The following SMARCC1 variants were observed in gnomAD, a reference collection of about 807,000 sequenced individuals.
The protein encoded by SMARCC1 is SWI/SNF related BAF chromatin remodeling complex subunit C1.
SMARCC1 carries 43 observed loss-of-function variants against 147.4 expected under a neutral mutation model. The observed-to-expected ratio is 0.29, with a 90% confidence interval of 0.23 to 0.38. SMARCC1 has a LOEUF of 0.38. Among genes scored for constraint, SMARCC1 ranks in the 10% least tolerant of loss-of-function variants. The probability of loss-of-function intolerance (pLI) is 1.00; values close to 1 mark genes in which losing one functional copy is unlikely to be tolerated. For synonymous variants in SMARCC1, 495 were observed against 484.4 expected, an observed-to-expected ratio of 1.02 and a Z score of -0.29; for missense variants, 1,119 against 1,381.1, an observed-to-expected ratio of 0.81 and a Z score of 3.01.
intron 6 of SMARCC1, among the ~76,000 whole-genome samples, chr3:47,725,640 C>T (rs900292318): frequency 3.3e-5 from 5 of 151,830 alleles, no homozygotes; most frequent in Non-Finnish European, 5.9e-5. Context: ...TTAGTAGAGA[C>T]GGGGTTTCAC....
chr3:47,781,288 A>G (rs1000426525), intron 1 of SMARCC1, among the ~76,000 whole-genome samples: 2 of 152,204 alleles, frequency 1.3e-5, no homozygotes, highest in African/African-American at 4.8e-5. Context: ...CATTGTTCAC[A>G]CACCTAAGGC....
intron 19 of SMARCC1, among the ~76,000 whole-genome samples, chr3:47,668,842 G>C (rs1014837769): frequency 6.6e-6 from 1 of 150,572 alleles, no homozygotes; most frequent in African/African-American, 2.4e-5. Context: ...CTGAGACTGC[G>C]CTACTGCACA....
intron 10 of SMARCC1, among the ~76,000 whole-genome samples, chr3:47,705,149 C>T (rs2106791784): frequency 6.6e-6 from 1 of 151,524 alleles, no homozygotes; most frequent in Middle Eastern, 3.4e-3. Flanking sequence ...TGGTGAAACC[C>T]CGTCTCTACT....
intron 11 of SMARCC1, among the ~76,000 whole-genome samples, chr3:47,697,529 T>C (rs1417020635): frequency 6.6e-6 from 1 of 150,616 alleles, no homozygotes; most frequent in Non-Finnish European, 1.5e-5. Flanking sequence ...CTTGAACTCC[T>C]GGCCTCAAGT....
At chr3:47,588,724 T>TC (rs965616814) in intron 27 of SMARCC1, among the ~76,000 whole-genome samples, 1 of 52,446 alleles carries the variant, frequency 1.9e-5, no homozygotes, top group Non-Finnish European at 3.5e-5. Flanking sequence ...GCCCCCACAG[T>TC]CCCTAGCCTA....
intron 6 of SMARCC1, 27 bp downstream of exon 6, chr3:47,728,998 T>C: frequency 6.7e-7 from 1 of 1,496,964 alleles, no homozygotes; most frequent in Non-Finnish European, 9.3e-7. Context: ...TATGAGCTCA[T>C]CTGTTCACAA....
chr3:47,598,848 A>G (rs1460802319), intron 26 of SMARCC1, among the ~76,000 whole-genome samples: 2 of 134,648 alleles, frequency 1.5e-5, no homozygotes, highest in Non-Finnish European at 3.2e-5. Context: ...AAAAAAAAAA[A>G]AAAGAGAGAG....
intron 26 of SMARCC1, among the ~76,000 whole-genome samples, chr3:47,595,764 T>G (rs1383477094): frequency 6.7e-6 from 1 of 148,918 alleles, no homozygotes; most frequent in African/African-American, 2.5e-5. Context: ...GACGGGAGTC[T>G]CACTCTGTTG....
At chr3:47,733,056 G>A (rs1260438802) in intron 5 of SMARCC1, among the ~76,000 whole-genome samples, 3 of 150,974 alleles carry the variant, frequency 2.0e-5, no homozygotes, top group Non-Finnish European at 4.4e-5. Context: ...GCAGTGAGCC[G>A]AGATCACACC....
At chr3:47,716,819 G>T (rs1479022869) in intron 7 of SMARCC1, among the ~76,000 whole-genome samples, 1 of 152,168 alleles carries the variant, frequency 6.6e-6, no homozygotes, top group Non-Finnish European at 1.5e-5. Flanking sequence ...TTATTCAAAT[G>T]ATGTTTTAAA....
intron 2 of SMARCC1, among the ~76,000 whole-genome samples, chr3:47,763,728 G>T: frequency 6.6e-6 from 1 of 151,242 alleles, no homozygotes; most frequent in South Asian, 2.1e-4. Context: ...CTTCAGTTAG[G>T]TTTTTTTTCT....
intron 1 of SMARCC1, among the ~76,000 whole-genome samples, chr3:47,778,190 C>CAAAAAA (rs762774696): frequency 7.5e-5 from 4 of 53,132 alleles, no homozygotes; most frequent in African/African-American, 9.4e-5. Context: ...GACTCCATCT[C>CAAAAAA]AAAAAAAAAA....
At chr3:47,619,125 C>T (rs768389538) in intron 25 of SMARCC1, among the ~76,000 whole-genome samples, 1 of 152,212 alleles carries the variant, frequency 6.6e-6, no homozygotes, top group Non-Finnish European at 1.5e-5. Context: ...CTGATAACTT[C>T]TCCCTCTCCC....
Position 47,650,051 on chromosome 3 carries a change from C to T in SMARCC1, c.2320+11243G>A, listed in dbSNP as rs570461926. ...CAGCACTTTGGGAGGCCGAGGCAGG[C>T]GGATCACGAGGTCAGGAGATCGAGA... On this transcript the variant is annotated intron_variant, in intron 21 of 27. Transcript: ENST00000254480. Among the ~76,000 whole-genome samples, 16 of 151,278 alleles carry T rather than the reference C, an allele frequency of 1.1e-4. 1 individual carries two copies. The South Asian group carries it at 2.5e-3, about 24-fold the overall frequency.
chr3:47,729,608 A>T (rs973947688), intron 5 of SMARCC1, among the ~76,000 whole-genome samples: 9 of 151,816 alleles, frequency 5.9e-5, no homozygotes, highest in African/African-American at 2.2e-4. Flanking sequence ...CTGGTCTTGA[A>T]CTCCTGACCT....
In SMARCC1 at chr3:47,706,358, C is replaced by T. The variant is rs536798608; in HGVS notation, c.1040+51G>A. The T allele has an allele frequency of 1.3e-5, 19 of 1,441,240 alleles. No homozygotes were observed. The Admixed American group carries it at 2.2e-4, about 17-fold the overall frequency. 89.3% of individuals were successfully genotyped at this position (1,441,240 alleles called of 1,614,324 possible). A position where few individuals can be genotyped will look rare whatever the true frequency, so the allele number is the denominator to read the frequency against. On this transcript the variant is annotated intron_variant, in intron 10 of 27. Transcript: ENST00000254480. ...AAGTGCTGGGATTATAAGTGTAAGC[C>T]ACCACGTCCGGCCTGTTTTAATGCC...
At chr3:47,693,494 C>T (rs1245543881) in intron 11 of SMARCC1, among the ~76,000 whole-genome samples, 194 bp from the exon 12 acceptor site, 1 of 152,166 alleles carries the variant, frequency 6.6e-6, no homozygotes, top group East Asian at 1.9e-4. Flanking sequence ...ACCCAAGCAC[C>T]ATATAGTTTC....
intron 2 of SMARCC1, among the ~76,000 whole-genome samples, chr3:47,765,107 C>T (rs1383367600): frequency 1.3e-5 from 2 of 152,088 alleles, no homozygotes; most frequent in East Asian, 1.9e-4. Context: ...CAAAATTAGC[C>T]GGGCGTGGTG....
chr3:47,713,870 T>C (rs148667611), intron 8 of SMARCC1, among the ~76,000 whole-genome samples: 1 of 152,266 alleles, frequency 6.6e-6, no homozygotes, highest in Non-Finnish European at 1.5e-5. Flanking sequence ...CACTCCTCTC[T>C]CACAAACCAC....
Sources: gnomAD v4.1 joint callset for allele counts (sites outside exome capture counted in the v4.1 genomes callset) on GRCh38, gnomAD v4.1.1 for gene constraint, MANE v1.5 for transcripts, NCBI Gene and HGNC (gene_info 2026-07-23, HGNC 2026-07-21) for gene names.